ABCC11: variants seen among roughly 807,000 people sequenced by gnomAD.
ABCC11 encodes ATP-binding cassette sub-family C member 11.
Under a neutral mutation model 149.3 loss-of-function variants are expected in ABCC11, and 135 were observed. The ratio of observed to expected loss-of-function variants is 0.90; its 90% CI spans 0.79 to 1.04. The LOEUF (loss-of-function observed/expected upper bound fraction) is 1.04, where lower values mean the gene tolerates loss of function less well. Ranked by LOEUF, ABCC11 falls within the 50% of genes least tolerant of loss-of-function variation. ABCC11 has a pLI of 0.00. For missense variants in ABCC11, 1,680 were observed against 1,722.1 expected (o/e 0.98, Z 0.43); for synonymous variants, 665 against 671.4 (o/e 0.99, Z 0.15).
intron 6 of ABCC11, among the ~76,000 whole-genome samples, chr16:48,221,848 C>A (rs1366801967): frequency 1.3e-5 from 2 of 152,084 alleles, no homozygotes; most frequent in Non-Finnish European, 2.9e-5. Context: ...CTCAAGCGAT[C>A]CTCCTGCATT....
At chr16:48,169,349 G>A (rs562546491) in intron 28 of ABCC11, among the ~76,000 whole-genome samples, 39 of 152,300 alleles carry the variant, frequency 2.6e-4, no homozygotes, top group Admixed American at 2.3e-3. Flanking sequence ...ATGTGGAATG[G>A]CACTCAGTGA....
At chr16:48,243,144 T>C (rs1179803782) in intron 1 of ABCC11, among the ~76,000 whole-genome samples, 1 of 151,498 alleles carries the variant, frequency 6.6e-6, no homozygotes, top group Non-Finnish European at 1.5e-5. Context: ...CTCAGGCCTG[T>C]AATCCCAGCA....
intron 28 of ABCC11, 75 bp from the exon 29 acceptor site, chr16:48,167,735 T>C (rs544444521): frequency 1.3e-6 from 2 of 1,516,132 alleles, no homozygotes; most frequent in African/African-American, 2.7e-5. Context: ...GGTTTACCAC[T>C]AATTCACCAG....
At chr16:48,207,845 G>T (rs1968574983) in intron 12 of ABCC11, among the ~76,000 whole-genome samples, 1 of 145,756 alleles carries the variant, frequency 6.9e-6, no homozygotes, top group African/African-American at 2.4e-5. Context: ...AGGGCACCCA[G>T]CAGGCATAGG....
chr16:48,210,917 T>C lies in ABCC11; in HGVS notation c.1608+31A>G, dbSNP rs372390733. 94 of 1,605,336 alleles carry C rather than the reference T, an allele frequency of 5.9e-5. No individual in the cohort carries two copies. The African/African-American group carries it at 1.0e-3, about 18-fold the overall frequency. ...CCTCAGGTCCTGAGAGCCTGGCAGCTGGCCTGCCTGCGTGGCCTGAACAAG... is the reference window on the plus strand; with the variant it reads ...CCTCAGGTCCTGAGAGCCTGGCAGCCGGCCTGCCTGCGTGGCCTGAACAAG... On this transcript the variant is annotated intron_variant, in intron 11 of 29. Transcript: ENST00000356608.
chr16:48,231,401 C>T (rs1398942900), intron 2 of ABCC11, among the ~76,000 whole-genome samples: 1 of 151,882 alleles, frequency 6.6e-6, no homozygotes, highest in Non-Finnish European at 1.5e-5. Context: ...TGGGGTGGCT[C>T]ATGCTTGTAA....
In ABCC11 at chr16:48,203,258, C is replaced by A; in HGVS notation, c.1848G>T (p.Leu616=). The part of the protein sequence containing the change: ...VLHCCSLNRD[L]ELLPFGDMTE... ...TCATGTCTCCAAAGGGCAGAAGTTC[C>A]AGGTCCCGATTCAGGGAGCAGCAGT... The change falls in exon 14 of 30, where the codon CTG becomes CTT. Residue 616 remains leucine (L), a synonymous_variant. Coordinates refer to ENST00000356608, the MANE Select transcript of ABCC11 (RefSeq NM_001370497.1). The A allele has an allele frequency of 6.3e-7, 1 of 1,583,008 alleles. No homozygotes were observed. Among genetic ancestry groups the A allele is most frequent in the East Asian group, 2.3e-5 (1 of 43,782 alleles).
chr16:48,202,528 T>G (rs1201760482), intron 14 of ABCC11, among the ~76,000 whole-genome samples: 1 of 151,826 alleles, frequency 6.6e-6, no homozygotes, highest in Non-Finnish European at 1.5e-5. Context: ...GGAGAATCTC[T>G]TGAATCTGGG....
At chr16:48,216,357 T>A (rs2150878544) in intron 6 of ABCC11, 70 bp from the exon 7 acceptor site, 1 of 1,464,878 alleles carries the variant, frequency 6.8e-7, no homozygotes. Flanking sequence ...GCAGGTGGCC[T>A]CCCCATGCCC....
intron 9 of ABCC11, among the ~76,000 whole-genome samples, 182 bp downstream of exon 9, chr16:48,214,699 A>G (rs1969194709): frequency 6.6e-6 from 1 of 152,134 alleles, no homozygotes; most frequent in Non-Finnish European, 1.5e-5. Flanking sequence ...GCTATCCAAG[A>G]TGTCACTTTT....
At chr16:48,197,711 AC>A (rs1360909166) in intron 17 of ABCC11, among the ~76,000 whole-genome samples, 1 of 152,008 alleles carries the variant, frequency 6.6e-6, no homozygotes, top group South Asian at 2.1e-4. Context: ...AGCCAAAGGT[AC>A]CCCCTATCCT....
At chr16:48,182,988 C>T (rs531841829) in intron 23 of ABCC11, among the ~76,000 whole-genome samples, 2 of 152,262 alleles carry the variant, frequency 1.3e-5, no homozygotes, top group African/African-American at 4.8e-5. Flanking sequence ...TTGTAAAAAC[C>T]TAGAGTAGTG....
rs772632769 is a variant in ABCC11, at chr16:48,206,131, G to A, written c.1681-594C>T. On this transcript the variant is annotated intron_variant, in intron 12 of 29. Coordinates refer to ENST00000356608, the MANE Select transcript of ABCC11 (RefSeq NM_001370497.1). ...CTTATTTGTCCCAGCCCCATTCCCTGGCAGCCAGTGCCTCCATGGTCTTCA... is the reference window on the plus strand; with the variant it reads ...CTTATTTGTCCCAGCCCCATTCCCTAGCAGCCAGTGCCTCCATGGTCTTCA... Among the ~76,000 whole-genome samples, 3 of 152,118 alleles carry A rather than the reference G, an allele frequency of 2.0e-5. No homozygotes were observed. In the East Asian group the frequency reaches 5.8e-4, roughly 29 times the overall value.
intron 26 of ABCC11, among the ~76,000 whole-genome samples, chr16:48,172,335 G>A (rs1965774473): frequency 6.6e-6 from 1 of 151,942 alleles, no homozygotes; most frequent in Non-Finnish European, 1.5e-5. Context: ...AAACACTAGT[G>A]TACACATATG....
In ABCC11 at chr16:48,227,089, G is replaced by T. The variant is rs150204109; in HGVS notation, c.395+717C>A. Among the ~76,000 whole-genome samples, 230 of 152,290 alleles carry T rather than the reference G, an allele frequency of 1.5e-3. 1 individual carries two copies. The highest frequency in any genetic ancestry group is 5.3e-3 in the African/African-American group (219 of 41,554). On this transcript the variant is annotated intron_variant, in intron 4 of 29. Coordinates refer to ENST00000356608, the MANE Select transcript of ABCC11 (RefSeq NM_001370497.1). ...GTTAGCGGTGGCTTGAGCACTGGGA[G>T]ACTGGGCCACTTACCCAAAGTAATA...
intron 18 of ABCC11, 110 bp downstream of exon 18, chr16:48,196,122 G>A (rs1967384008): frequency 9.4e-7 from 1 of 1,069,452 alleles, no homozygotes; most frequent in African/African-American, 1.6e-5. Context: ...TAAATACCAT[G>A]GCTCCTCTGG....
At chr16:48,199,054 C>A (rs1029969611) in intron 15 of ABCC11, among the ~76,000 whole-genome samples, 14 of 149,286 alleles carry the variant, frequency 9.4e-5, no homozygotes, top group Non-Finnish European at 1.6e-4. Context: ...ATATATATAT[C>A]TATATATATA....
chr16:48,193,897 C>T lies in ABCC11; in HGVS notation c.2490G>A (p.Trp830Ter), dbSNP rs767682650. 5.6e-6 allele frequency: 9 copies of T among 1,613,804 alleles called. No homozygotes were observed. Among genetic ancestry groups the T allele is most frequent in the Non-Finnish European group, 5.9e-6 (7 of 1,179,874 alleles). The change falls in exon 19 of 30, where the codon TGG becomes TGA. Residue 830 changes from tryptophan to a stop codon, truncating the protein, a stop_gained. Transcript: ENST00000356608. LOFTEE classifies it high-confidence loss of function. ...TIFSFWWLSY[W>*]LEQGSGTNSS... is the part of the protein sequence containing the mutation. The stretch of plus-strand genomic sequence containing the variant: ...CACTCACCCCCGAGCCCTGCTCCAA[C>T]CAGTAGCTCAGCCACCAGAAGCTGA...
Position 48,230,479 on chromosome 16 carries a change from T to A in ABCC11, c.194A>T (p.Asp65Val), listed in dbSNP as rs1970356716. The A allele has an allele frequency of 6.2e-7, 1 of 1,612,424 alleles. No homozygotes were observed. The highest frequency in any genetic ancestry group is 8.5e-7 in the Non-Finnish European group (1 of 1,179,300). Residue 65 changes from aspartate to valine, a missense_variant, in exon 3 of 30, where the codon GAT becomes GTT. By Grantham distance (152) the Asp-to-Val change is radical. Coordinates refer to ENST00000356608, the MANE Select transcript of ABCC11 (RefSeq NM_001370497.1). Reference sequence around the variant, plus strand: ...GGGAATCATGGTTCTCAAGGCAGCATCATACTTCCCCCACGGTGGGACAGC... The same window carrying A: ...GGGAATCATGGTTCTCAAGGCAGCAACATACTTCCCCCACGGTGGGACAGC... ...RAAVPPWGKYDAALRTMIPFR... is the reference protein window; with the variant it reads ...RAAVPPWGKYVAALRTMIPFR...
Sources: gnomAD v4.1 joint callset for allele counts (sites outside exome capture counted in the v4.1 genomes callset) on GRCh38, gnomAD v4.1.1 for gene constraint, MANE v1.5 for transcripts, NCBI Gene and HGNC (gene_info 2026-07-23, HGNC 2026-07-21) for gene names.